FAM193A: variants seen among roughly 807,000 people sequenced by gnomAD.
FAM193A encodes the protein protein FAM193A.
In FAM193A, 22 loss-of-function variants were observed where a neutral mutation model predicts 126.5. That is an observed-to-expected ratio of 0.17 (90% CI 0.12 to 0.25). The LOEUF (loss-of-function observed/expected upper bound fraction) is 0.25, where lower values mean the gene tolerates loss of function less well. Ranked by LOEUF, FAM193A falls within the 10% of genes least tolerant of loss-of-function variation. The pLI, the probability that FAM193A is intolerant of heterozygous loss-of-function variation, is 1.00. For missense variants in FAM193A, 1,675 were observed against 1,672.8 expected (o/e 1.00, Z -0.02); for synonymous variants, 761 against 646.8 (o/e 1.18, Z -2.68).
chr4:2,722,632 G>A (rs1164936188), intron 20 of FAM193A, among the ~76,000 whole-genome samples: 2 of 152,130 alleles, frequency 1.3e-5, no homozygotes, highest in Admixed American at 1.3e-4. Context: ...TTGGATTCTG[G>A]GAGATGACAC....
chr4:2,728,357 AC>A (rs1211906650), intron 20 of FAM193A, among the ~76,000 whole-genome samples: 1 of 145,984 alleles, frequency 6.9e-6, no homozygotes, highest in Non-Finnish European at 1.5e-5. Context: ...AGCATGAACT[AC>A]CTCCCCAGCC....
At chr4:2,590,881 A>G (rs1740530484) in intron 1 of FAM193A, among the ~76,000 whole-genome samples, 3 of 151,592 alleles carry the variant, frequency 2.0e-5, no homozygotes, top group East Asian at 2.0e-4. Flanking sequence ...CAAAAAATTA[A>G]CCAGGCGTGG....
intron 13 of FAM193A, among the ~76,000 whole-genome samples, chr4:2,686,093 A>G (rs1250134949): frequency 1.3e-5 from 2 of 152,104 alleles, no homozygotes; most frequent in Non-Finnish European, 2.9e-5. Context: ...ACAGACACCT[A>G]TTTTTTCCTG....
chr4:2,712,365 G>A (rs555300117), intron 19 of FAM193A, among the ~76,000 whole-genome samples: 1 of 152,234 alleles, frequency 6.6e-6, no homozygotes, highest in South Asian at 2.1e-4. Context: ...TGCATCTCCT[G>A]TTTCCGTGTT....
intron 12 of FAM193A, 55 bp downstream of exon 12, chr4:2,663,343 C>G (rs987139267): frequency 2.2e-6 from 3 of 1,389,120 alleles, no homozygotes; most frequent in Non-Finnish European, 1.9e-6. Context: ...TGTATTTTCT[C>G]TAAACATGAG....
intron 2 of FAM193A, among the ~76,000 whole-genome samples, chr4:2,603,456 T>G (rs887360136): frequency 7.5e-6 from 1 of 132,546 alleles, no homozygotes; most frequent in Non-Finnish European, 1.7e-5. Flanking sequence ...AGCTAATTTT[T>G]TTTTTTTTTT....
intron 12 of FAM193A, among the ~76,000 whole-genome samples, chr4:2,668,213 CTTTT>C (rs71644347): frequency 2.2e-5 from 3 of 137,560 alleles, no homozygotes; most frequent in Admixed American, 7.4e-5. Flanking sequence ...CAATATGCAT[CTTTT>C]TTTTTTTTTT....
chr4:2,729,961 G>A (rs1252612311), intron 20 of FAM193A, among the ~76,000 whole-genome samples: 9 of 151,896 alleles, frequency 5.9e-5, no homozygotes, highest in African/African-American at 1.5e-4. Context: ...GCTGGAGTGC[G>A]GGGGCACCAT....
chr4:2,732,084 T>C lies in FAM193A; in HGVS notation c.*216T>C, dbSNP rs573246853. 544 of 575,232 alleles carry C rather than the reference T, an allele frequency of 9.5e-4. No individual in the cohort carries two copies. The highest frequency in any genetic ancestry group is 1.5e-3 in the Non-Finnish European group (475 of 319,570). 35.6% of individuals were successfully genotyped at this position (575,232 alleles called of 1,614,324 possible). On this transcript the variant is annotated 3_prime_UTR_variant, in exon 21 of 21. Coordinates refer to ENST00000637812, the MANE Select transcript of FAM193A (RefSeq NM_001366318.2). ...CGTGAGACTCCTTCGATTGTAGCTC[T>C]GTGCTGTCGGATTGGAACAGTAGTT...
intron 2 of FAM193A, among the ~76,000 whole-genome samples, chr4:2,612,227 G>A (rs1741922919): frequency 6.6e-6 from 1 of 151,628 alleles, no homozygotes; most frequent in South Asian, 2.1e-4. Flanking sequence ...GCCCTGGCCG[G>A]GCCGTGGCTC....
intron 2 of FAM193A, among the ~76,000 whole-genome samples, chr4:2,623,882 GT>G (rs961929930): frequency 1.4e-4 from 21 of 152,184 alleles, no homozygotes; most frequent in African/African-American, 4.6e-4. Flanking sequence ...TCCTCATGCT[GT>G]GGGGGTCAGG....
chr4:2,630,949 A>G lies in FAM193A; in HGVS notation c.818A>G (p.Asp273Gly). ...KELVDRLCER[D>G]PYQLYQRLEQ... Reference sequence around the variant, plus strand: ...TCTCTGTGCAGGCTCTGCGAGAGGGACCCCTACCAGCTGTACCAGCGTCTG... The same window carrying G: ...TCTCTGTGCAGGCTCTGCGAGAGGGGCCCCTACCAGCTGTACCAGCGTCTG... The change falls in exon 5 of 21, where the codon GAC becomes GGC. Residue 273 changes from aspartate to glycine, a missense_variant. This residue lies in a region of FAM193A where 1,186 missense variants were observed against 1,109.2 expected (regional missense o/e 1.07). Transcript: ENST00000637812. The G allele has an allele frequency of 6.3e-7, 1 of 1,598,506 alleles. No homozygotes were observed. The highest frequency in any genetic ancestry group is 1.7e-4 in the Middle Eastern group (1 of 6,000).
intron 2 of FAM193A, among the ~76,000 whole-genome samples, chr4:2,621,600 A>C (rs528624914): frequency 6.6e-6 from 1 of 152,294 alleles, no homozygotes; most frequent in African/African-American, 2.4e-5. Context: ...TGCTTGGAGA[A>C]TGGATGATTA....
At chr4:2,621,745 G>A (rs567967141) in intron 2 of FAM193A, among the ~76,000 whole-genome samples, 24 of 152,268 alleles carry the variant, frequency 1.6e-4, no homozygotes, top group African/African-American at 5.5e-4. Flanking sequence ...TTAGGATTGA[G>A]GTGGAGTGGA....
At chr4:2,655,974 T>TG (rs1378528846) in intron 7 of FAM193A, among the ~76,000 whole-genome samples, 2 of 152,022 alleles carry the variant, frequency 1.3e-5, no homozygotes, top group Non-Finnish European at 2.9e-5. Flanking sequence ...TTTGTAGCGG[T>TG]GGGGGTCTTG....
At chr4:2,611,185 A>T (rs1201578005) in intron 2 of FAM193A, among the ~76,000 whole-genome samples, 1 of 152,130 alleles carries the variant, frequency 6.6e-6, no homozygotes, top group African/African-American at 2.4e-5. Context: ...CAAGTGCTGG[A>T]TATTGGCAGT....
At chr4:2,630,363 C>T (rs547507339) in intron 4 of FAM193A, among the ~76,000 whole-genome samples, 1 of 152,012 alleles carries the variant, frequency 6.6e-6, no homozygotes, top group South Asian at 2.1e-4. Context: ...CTAAAGTTTC[C>T]TCTTTTGATA....
chr4:2,672,368 G>A lies in FAM193A; in HGVS notation c.2327G>A (p.Ser776Asn), dbSNP rs372731013. ...TLYATPPFTH[S>N]KALPPAPVQN... is the part of the protein sequence containing the mutation. ...TATGCAACGCCCCCCTTCACACACA[G>A]TAAGGTAAGTCAGGGCAAAAAGGGT... The change falls in exon 13 of 21, where the codon AGT becomes AAT. Residue 776 changes from serine (S) to asparagine (N), a missense_variant. Ser to Asn is a conservative substitution (Grantham distance 46). This residue lies in a region of FAM193A where 1,186 missense variants were observed against 1,109.2 expected (regional missense o/e 1.07). Transcript: ENST00000637812. The A allele has an allele frequency of 6.2e-7, 1 of 1,614,016 alleles. No individual in the cohort carries two copies. The highest frequency in any genetic ancestry group is 8.5e-7 in the Non-Finnish European group (1 of 1,179,928).
intron 1 of FAM193A, among the ~76,000 whole-genome samples, chr4:2,566,504 A>T (rs1360505030): frequency 1.3e-5 from 2 of 152,062 alleles, no homozygotes; most frequent in Non-Finnish European, 2.9e-5. Context: ...AGCCTGGCCA[A>T]CATGGTGAAA....
Sources: allele counts gnomAD v4.1 joint callset (sites outside exome capture counted in the v4.1 genomes callset), GRCh38; gene constraint gnomAD v4.1.1; regional missense constraint gnomAD v4.1.1; transcripts MANE v1.5; gene names NCBI Gene and HGNC (gene_info 2026-07-23, HGNC 2026-07-21).